CANX: variants seen among roughly 807,000 people sequenced by gnomAD.
CANX encodes calnexin.
Under a neutral mutation model 75.7 loss-of-function variants are expected in CANX, and 14 were observed. The ratio of observed to expected loss-of-function variants is 0.19; its 90% CI spans 0.12 to 0.29. The LOEUF is 0.29. Ranked by LOEUF, CANX falls within the 10% of genes least tolerant of loss-of-function variation. The pLI is 1.00. For missense variants in CANX, 567 were observed against 713.2 expected (o/e 0.79, Z 2.34); for synonymous variants, 227 against 236.9 (o/e 0.96, Z 0.38).
chr5:179,695,605 A>C (rs918408229), upstream of CANX, among the ~76,000 whole-genome samples: 1 of 152,090 alleles, frequency 6.6e-6, no homozygotes, highest in African/African-American at 2.4e-5. Context: ...CTGGGATTAC[A>C]GGCGTGAGCC....
At chr5:179,692,313 G>T (rs903399931) in intron 1 of CANX, among the ~76,000 whole-genome samples, 1 of 152,010 alleles carries the variant, frequency 6.6e-6, no homozygotes, top group Non-Finnish European at 1.5e-5. Context: ...GACCTCAAAT[G>T]ATCTGCCCAT....
At chr5:179,710,435 C>T (rs13174472) in intron 7 of CANX, among the ~76,000 whole-genome samples, 64,803 of 146,232 alleles carry the variant, frequency 0.44, 15,857 homozygotes, top group South Asian at 0.62. Context: ...AGGCTGGGCG[C>T]GGTGGCTCAC....
At chr5:179,686,513 C>T (rs1172032760) in intron 1 of CANX, among the ~76,000 whole-genome samples, 1 of 151,938 alleles carries the variant, frequency 6.6e-6, no homozygotes, top group Non-Finnish European at 1.5e-5. Flanking sequence ...TCACTGTTGC[C>T]CAGGCTGGAG....
intron 7 of CANX, among the ~76,000 whole-genome samples, chr5:179,710,850 C>T (rs1777504895): frequency 6.6e-6 from 1 of 151,406 alleles, no homozygotes; most frequent in East Asian, 1.9e-4. Context: ...ATCAGGCATT[C>T]GAGACTAGCA....
At position 179,699,207 on chromosome 5, in the gene CANX, G is replaced by C. The variant is rs573473085; in HGVS notation, c.-4+105G>C. 5.6e-4 allele frequency: 390 copies of C among 690,950 alleles called. 3 individuals are homozygous for C. The African/African-American group carries it at 7.2e-3, about 13-fold the overall frequency. The allele number at this position is 690,950 out of a possible 1,614,324, so 42.8% of individuals were successfully genotyped here. ...GGGCGTGGCCGGCGACTGAGGGGTC[G>C]GGCTGGCTCTTGAGGGCCCAGGCCC... On this transcript the variant is annotated intron_variant, in intron 1 of 14. Transcript: ENST00000247461.
At chr5:179,680,076 G>C (rs1215660160) in intron 1 of CANX, among the ~76,000 whole-genome samples, 2 of 149,064 alleles carry the variant, frequency 1.3e-5, no homozygotes, top group Non-Finnish European at 3.0e-5. Context: ...GCGCCAAAGT[G>C]CTGGGATTAC....
chr5:179,697,038 T>C (rs908200458), upstream of CANX, among the ~76,000 whole-genome samples: 12 of 152,316 alleles, frequency 7.9e-5, no homozygotes, highest in African/African-American at 2.9e-4. Flanking sequence ...ACGATGCCCA[T>C]GTAAAACATC....
chr5:179,698,753 C>A, upstream of CANX: 2 of 641,808 alleles, frequency 3.1e-6, no homozygotes, highest in Non-Finnish European at 4.8e-6. Flanking sequence ...GCCCAACCAA[C>A]AGCCACTTCC....
chr5:179,709,133 G>A, intron 6 of CANX, 74 bp downstream of exon 6: 1 of 927,764 alleles, frequency 1.1e-6, no homozygotes, highest in Non-Finnish European at 1.8e-6. Context: ...ATTGGGCCGG[G>A]TGCAGTGGCT....
chr5:179,715,520 A>G (rs1032465955), intron 7 of CANX, among the ~76,000 whole-genome samples: 6 of 152,226 alleles, frequency 3.9e-5, no homozygotes, highest in African/African-American at 1.4e-4. Flanking sequence ...CCTGGGAGAC[A>G]AAGCGAGACT....
chr5:179,684,960 A>G (rs559700226), intron 1 of CANX, among the ~76,000 whole-genome samples: 1 of 83,780 alleles, frequency 1.2e-5, no homozygotes, highest in South Asian at 4.4e-4. Context: ...TTTTTTTACT[A>G]GAGACAGGGT....
intron 1 of CANX, among the ~76,000 whole-genome samples, chr5:179,689,384 T>TTTTTTG (rs1776256698): frequency 7.1e-6 from 1 of 141,072 alleles, no homozygotes; most frequent in Non-Finnish European, 1.5e-5. Context: ...AACAAGTTTT[T>TTTTTTG]TTTTTTTTTT....
intron 14 of CANX, among the ~76,000 whole-genome samples, chr5:179,728,065 T>C (rs1778776093): frequency 6.6e-6 from 1 of 152,184 alleles, no homozygotes; most frequent in South Asian, 2.1e-4. Flanking sequence ...ATGCAATTCT[T>C]AAAAGTAGAG....
At chr5:179,698,784 T>G, upstream of CANX, 5 of 666,340 alleles carry the variant, frequency 7.5e-6, no homozygotes, top group Non-Finnish European at 8.9e-6. Context: ...CCGGCCAATC[T>G]TCACACTCCA....
Position 179,726,690 on chromosome 5 carries a change from G to A in CANX, c.1656G>A (p.Gln552=), listed in dbSNP as rs770986913. The A allele has an allele frequency of 6.2e-7, 1 of 1,612,814 alleles. No individual in the cohort carries two copies. The stretch of plus-strand genomic sequence containing the variant: ...TAACTTCTGTCTTAGAAGAGAAACA[G>A]AAAAGTGATGCTGAAGAAGATGGTG... The part of the protein sequence containing the change: ...EEGEEKLEEK[Q]KSDAEEDGGT... The change falls in exon 14 of 15, where the codon CAG becomes CAA. Residue 552 remains glutamine, a synonymous_variant. Transcript: ENST00000247461.
In CANX at chr5:179,728,886, T is replaced by C; in HGVS notation, c.*242T>C. ...AACATTTAACATAATGGTTGTGAAA[T>C]GTAACATGAAGCAAACTAACTTTTT... On this transcript the variant is annotated 3_prime_UTR_variant, in exon 15 of 15. Coordinates refer to ENST00000247461, the MANE Select transcript of CANX (RefSeq NM_001746.4). The C allele has an allele frequency of 3.5e-6, 2 of 564,622 alleles. No homozygotes were observed. Among genetic ancestry groups the C allele is most frequent in the Admixed American group, 6.2e-5 (2 of 32,112 alleles). 35.0% of individuals were successfully genotyped at this position (564,622 alleles called of 1,614,324 possible). A position where few individuals can be genotyped will look rare whatever the true frequency, so the allele number is the denominator to read the frequency against.
chr5:179,705,530 C>T, intron 1 of CANX, 149 bp from the exon 2 acceptor site: 1 of 644,470 alleles, frequency 1.6e-6, no homozygotes, highest in East Asian at 2.6e-5. Context: ...TCTCTCTAGG[C>T]TGCCTTTCTT....
At chr5:179,679,666 CT>C (rs1251673290) in intron 1 of CANX, among the ~76,000 whole-genome samples, 2 of 151,130 alleles carry the variant, frequency 1.3e-5, no homozygotes, top group East Asian at 1.9e-4. Flanking sequence ...CTTTCTTTTT[CT>C]TTTTTTTTGA....
At position 179,730,821 on chromosome 5, in the gene CANX, C is replaced by T. The variant is rs1177700002; in HGVS notation, c.*2177C>T. ...GTTCCATTGTTGTCAAATGCCCACT[C>T]TCCATCAGATGTGTTCCTCCATTTT... On this transcript the variant is annotated 3_prime_UTR_variant, in exon 15 of 15. Transcript: ENST00000247461. 1.3e-5 allele frequency: 2 copies of T among 152,238 alleles called. No individual in the cohort carries two copies. The highest frequency in any genetic ancestry group is 2.9e-5 in the Non-Finnish European group (2 of 68,046). The allele number at this position is 152,238 out of a possible 1,614,324, so 9.4% of individuals were successfully genotyped here.
Sources: allele counts gnomAD v4.1 joint callset (sites outside exome capture counted in the v4.1 genomes callset), GRCh38; gene constraint gnomAD v4.1.1; transcripts MANE v1.5; gene names NCBI Gene and HGNC (gene_info 2026-07-23, HGNC 2026-07-21).